ASIC2: variants seen among roughly 807,000 people sequenced by gnomAD.
ASIC2 encodes the protein acid-sensing ion channel 2.
Under a neutral mutation model 57.3 loss-of-function variants are expected in ASIC2, and 25 were observed. The ratio of observed to expected loss-of-function variants is 0.44; its 90% CI spans 0.32 to 0.61. ASIC2 has a LOEUF of 0.61. Among genes scored for constraint, ASIC2 ranks in the 20% least tolerant of loss-of-function variants. ASIC2 has a pLI of 0.06. For synonymous variants in ASIC2, 319 were observed against 307.5 expected (o/e 1.04, Z -0.39); for missense variants, 641 against 738.1 (o/e 0.87, Z 1.52).
chr17:33,929,566 G>C (rs1050961933), intron 1 of ASIC2, among the ~76,000 whole-genome samples: 5 of 152,152 alleles, frequency 3.3e-5, no homozygotes, highest in African/African-American at 9.7e-5. Context: ...AACAAATCTC[G>C]TGGGCTCTGA....
At position 33,342,845 on chromosome 17, in the gene ASIC2, G is replaced by A. The variant is rs531384994; in HGVS notation, c.556-230778C>T. ...GTTTGCCTTGGTGGTTAATCCCCAT[G>A]ATGCTGTTCCATCATCCCCTTCAGG... On this transcript the variant is annotated intron_variant, in intron 1 of 9. Transcript: ENST00000359872. Among the ~76,000 whole-genome samples, 41 of 152,284 alleles carry A rather than the reference G, an allele frequency of 2.7e-4. No individual in the cohort carries two copies. The Middle Eastern group carries it at 0.014, about 51-fold the overall frequency.
intron 1 of ASIC2, among the ~76,000 whole-genome samples, chr17:33,642,909 G>A (rs1451518275): frequency 1.3e-5 from 2 of 152,168 alleles, no homozygotes; most frequent in Non-Finnish European, 2.9e-5. Flanking sequence ...CAGGTCACAG[G>A]GCACTTTGCA....
At chr17:33,386,117 T>G (rs1007559637) in intron 1 of ASIC2, among the ~76,000 whole-genome samples, 2 of 152,334 alleles carry the variant, frequency 1.3e-5, no homozygotes, top group African/African-American at 2.4e-5. Context: ...CACAAGGAGA[T>G]GTTTGCCAAA....
intron 1 of ASIC2, among the ~76,000 whole-genome samples, chr17:33,603,943 A>C (rs563872141): frequency 1.3e-5 from 2 of 152,278 alleles, no homozygotes; most frequent in African/African-American, 4.8e-5. Flanking sequence ...GGAAAAGCAG[A>C]GGGTCACGTG....
At chr17:33,128,394 T>C (rs1049560627) in intron 1 of ASIC2, among the ~76,000 whole-genome samples, 4 of 152,346 alleles carry the variant, frequency 2.6e-5, no homozygotes, top group Middle Eastern at 3.4e-3. Context: ...CACTAGACTA[T>C]AAGCTCTAGG....
At chr17:33,483,556 C>G (rs529547325) in intron 1 of ASIC2, among the ~76,000 whole-genome samples, 2 of 152,324 alleles carry the variant, frequency 1.3e-5, no homozygotes, top group South Asian at 4.1e-4. Flanking sequence ...AGCTCATACA[C>G]GTTACTAAAC....
At chr17:33,827,040 G>A (rs1366190454) in intron 1 of ASIC2, among the ~76,000 whole-genome samples, 3 of 152,164 alleles carry the variant, frequency 2.0e-5, no homozygotes, top group Non-Finnish European at 4.4e-5. Context: ...TTGTTGAACA[G>A]ATGAGGGTTT....
intron 1 of ASIC2, among the ~76,000 whole-genome samples, chr17:34,110,720 T>C (rs917145049): frequency 1.3e-5 from 2 of 152,224 alleles, no homozygotes; most frequent in East Asian, 3.8e-4. Context: ...TAGTGTTTCC[T>C]GTCAAGAATA....
intron 1 of ASIC2, among the ~76,000 whole-genome samples, chr17:33,439,335 G>A (rs1911744548): frequency 6.6e-6 from 1 of 152,150 alleles, no homozygotes; most frequent in Admixed American, 6.5e-5. Flanking sequence ...GAAAATAAGA[G>A]GAATATTTTC....
intron 1 of ASIC2, among the ~76,000 whole-genome samples, chr17:33,620,284 A>G (rs1318296236): frequency 1.3e-5 from 2 of 151,280 alleles, no homozygotes; most frequent in Non-Finnish European, 2.9e-5. Flanking sequence ...TTTCCATACT[A>G]CACCTCTATT....
chr17:33,165,583 T>C lies in ASIC2; in HGVS notation c.709-53516A>G, dbSNP rs549617277. ...AGGATAGGGGAATCTGATTATTCTC[T>C]AAATGGGCTCAGCCCACAAATAAGC... is the stretch of plus-strand genomic sequence containing the variant. On this transcript the variant is annotated intron_variant, in intron 1 of 9. Transcript: ENST00000225823. 1.1e-3 allele frequency among the ~76,000 whole-genome samples: 168 copies of C among 152,278 alleles called. 1 individual carries two copies. The highest frequency in any genetic ancestry group is 4.0e-3 in the African/African-American group (165 of 41,562).
chr17:33,291,461 G>A lies in ASIC2; in HGVS notation c.655C>T (p.Leu219=). 3 of 1,611,936 alleles carry A rather than the reference G, an allele frequency of 1.9e-6. No homozygotes were observed. The highest frequency in any genetic ancestry group is 2.5e-6 in the Non-Finnish European group (3 of 1,179,504). Residue 219 remains leucine (L), a synonymous_variant, in exon 1 of 10, where the codon CTG becomes TTG. Transcript: ENST00000225823. ...TCGCCGCGGTACTTGCAGGAGAGCA[G>A]CATGTCCTCCAGCTGGTGGCCCAGG... ...DRLGHQLEDM[L]LSCKYRGELC...
At chr17:33,946,026 C>T (rs188519449) in intron 1 of ASIC2, among the ~76,000 whole-genome samples, 36 of 152,280 alleles carry the variant, frequency 2.4e-4, no homozygotes, top group Admixed American at 1.7e-3. Flanking sequence ...CCTTAGCATA[C>T]GACATGCCAC....
intron 1 of ASIC2, among the ~76,000 whole-genome samples, chr17:33,426,068 G>T (rs560236644): frequency 2.4e-4 from 36 of 152,256 alleles, no homozygotes; most frequent in African/African-American, 8.4e-4. Flanking sequence ...GCCAACCAGG[G>T]CACCTGACTA....
chr17:33,365,938 G>C (rs1908792082), intron 1 of ASIC2, among the ~76,000 whole-genome samples: 1 of 152,210 alleles, frequency 6.6e-6, no homozygotes, highest in African/African-American at 2.4e-5. Context: ...AGTTGAGCAG[G>C]AAGGAGTAGA....
chr17:33,196,283 C>T (rs545423754), intron 1 of ASIC2, among the ~76,000 whole-genome samples: 1 of 152,078 alleles, frequency 6.6e-6, no homozygotes, highest in Non-Finnish European at 1.5e-5. Context: ...GTGCCCTTTC[C>T]ACCTTTTAAA....
At chr17:33,303,222 G>T (rs1906029214) in intron 1 of ASIC2, among the ~76,000 whole-genome samples, 1 of 152,220 alleles carries the variant, frequency 6.6e-6, no homozygotes, top group South Asian at 2.1e-4. Flanking sequence ...AGACAAAGTG[G>T]GTGGTGGCAT....
intron 1 of ASIC2, among the ~76,000 whole-genome samples, chr17:33,832,523 A>G (rs1445701363): frequency 6.6e-6 from 1 of 152,194 alleles, no homozygotes; most frequent in Non-Finnish European, 1.5e-5. Flanking sequence ...GATAGAGACT[A>G]CAAATCAAAG....
At chr17:33,316,070 T>C (rs916102697) in intron 1 of ASIC2, among the ~76,000 whole-genome samples, 5 of 152,226 alleles carry the variant, frequency 3.3e-5, no homozygotes, top group African/African-American at 7.2e-5. Context: ...AGATGCTTAA[T>C]AAGTTGGATC....
Sources: allele counts gnomAD v4.1 joint callset (sites outside exome capture counted in the v4.1 genomes callset), GRCh38; gene constraint gnomAD v4.1.1; transcripts MANE v1.5; gene names NCBI Gene and HGNC (gene_info 2026-07-23, HGNC 2026-07-21).